Variants in BUB1 observed in about 807,000 individuals in gnomAD.
The protein encoded by BUB1 is mitotic checkpoint serine/threonine-protein kinase BUB1.
In BUB1, 84 loss-of-function variants were observed where a neutral mutation model predicts 135.2. That is an observed-to-expected ratio of 0.62 (90% CI 0.52 to 0.74). The LOEUF (loss-of-function observed/expected upper bound fraction) is 0.74. Among genes scored for constraint, BUB1 ranks in the 30% least tolerant of loss-of-function variants. The probability of loss-of-function intolerance (pLI) is 0.00; values close to 1 mark genes in which losing one functional copy is unlikely to be tolerated. For synonymous variants in BUB1, 403 were observed against 434.4 expected, an observed-to-expected ratio of 0.93 and a Z score of 0.90; for missense variants, 1,162 against 1,288.3, an observed-to-expected ratio of 0.90 and a Z score of 1.50.
intron 1 of BUB1, chr2:110,676,401 A>C (rs1365947583): frequency 6.6e-6 from 1 of 152,248 alleles, no homozygotes; most frequent in Non-Finnish European, 1.5e-5. Context: ...TCTTGCTTGT[A>C]GGTGGGCATG....
At chr2:110,664,155 A>C (rs1425886756) in intron 9 of BUB1, among the ~76,000 whole-genome samples, 2 of 152,170 alleles carry the variant, frequency 1.3e-5, no homozygotes, top group Non-Finnish European at 2.9e-5. Flanking sequence ...TGACCAGTCC[A>C]GGATAGCCTA....
chr2:110,649,127 T>A, intron 19 of BUB1, 107 bp downstream of exon 19: 1 of 1,079,064 alleles, frequency 9.3e-7, no homozygotes, highest in Non-Finnish European at 1.3e-6. Flanking sequence ...CTATTGGAGG[T>A]TGGGGGGCAA....
At chr2:110,653,579 A>G in intron 16 of BUB1, 56 bp from the exon 17 acceptor site, 1 of 1,409,506 alleles carries the variant, frequency 7.1e-7, no homozygotes, top group Non-Finnish European at 1.0e-6. Flanking sequence ...TGTGCACAAC[A>G]CACACCATTT....
In BUB1 at chr2:110,642,255, T is replaced by C. The variant is rs751407971; in HGVS notation, c.2348-21A>G. ...AGAACCTTAGAAGATAATTGAAAAT[T>C]TTAATTTATGTACGCCTTTTATTTT... On this transcript the variant is annotated intron_variant, in intron 19 of 24. Coordinates refer to ENST00000302759, the MANE Select transcript of BUB1 (RefSeq NM_004336.5). The C allele has an allele frequency of 1.1e-5, 16 of 1,500,442 alleles. No homozygotes were observed. The African/African-American group carries it at 2.1e-4, about 20-fold the overall frequency. The allele number at this position is 1,500,442 out of a possible 1,614,324, so 92.9% of individuals were successfully genotyped here.
chr2:110,672,592 A>G, intron 4 of BUB1, 69 bp downstream of exon 4: 1 of 1,453,386 alleles, frequency 6.9e-7, no homozygotes, highest in African/African-American at 1.4e-5. Flanking sequence ...TGCTAATGAT[A>G]CAATTTTTAA....
intron 24 of BUB1, among the ~76,000 whole-genome samples, chr2:110,638,851 A>C (rs1225529904): frequency 1.3e-5 from 2 of 152,220 alleles, no homozygotes; most frequent in Non-Finnish European, 2.9e-5. Context: ...AGTTGTTATA[A>C]GCTTTCCTCC....
chr2:110,677,880 G>A (rs1690635724), intron 1 of BUB1, 90 bp downstream of exon 1: 8 of 1,442,832 alleles, frequency 5.5e-6, no homozygotes, highest in African/African-American at 2.9e-5. Flanking sequence ...GGCGAAGGGG[G>A]CAAAAGAAGG....
At chr2:110,649,020 C>T in intron 19 of BUB1, 1 of 384,648 alleles carries the variant, frequency 2.6e-6, no homozygotes, top group Non-Finnish European at 4.6e-6. Flanking sequence ...GGCAAATTGC[C>T]CTCTATGAGT....
chr2:110,654,171 C>T (rs1266823233), intron 16 of BUB1, among the ~76,000 whole-genome samples: 1 of 152,054 alleles, frequency 6.6e-6, no homozygotes, highest in South Asian at 2.1e-4. Flanking sequence ...TCAGGAGAAC[C>T]TGAAGACAAG....
Position 110,667,527 on chromosome 2 carries a change from G to C in BUB1, c.799C>G (p.Gln267Glu), listed in dbSNP as rs765653448. Residue 267 changes from glutamine (Q) to glutamate (E), a missense_variant, in exon 8 of 25, where the codon CAA becomes GAA. Transcript: ENST00000302759. ...AATACAAGATTGCAAGTACCCCATT[G>C]CTCATGCTTTCTCCGTTGATTGTAT... The part of the protein sequence containing the change: ...QKYNQRRKHE[Q>E]WVNEDRHYMK... 3 of 1,611,630 alleles carry C rather than the reference G, an allele frequency of 1.9e-6. No homozygotes were observed. The South Asian group carries it at 3.3e-5, about 18-fold the overall frequency.
intron 9 of BUB1, 119 bp downstream of exon 9, chr2:110,666,144 A>G (rs1325463733): frequency 1.9e-6 from 2 of 1,052,634 alleles, no homozygotes; most frequent in Non-Finnish European, 2.5e-6. Flanking sequence ...TTAGACTTTC[A>G]GAAAGTTACT....
intron 1 of BUB1, 100 bp downstream of exon 1, chr2:110,677,870 G>A: frequency 7.2e-7 from 1 of 1,392,258 alleles, no homozygotes. Flanking sequence ...CCAGGAAGGG[G>A]GCGAAGGGGG....
intron 17 of BUB1, among the ~76,000 whole-genome samples, chr2:110,652,826 C>T (rs1689820702): frequency 6.6e-6 from 1 of 152,176 alleles, no homozygotes; most frequent in South Asian, 2.1e-4. Flanking sequence ...ACTATACTTT[C>T]TTTGTAATAA....
At chr2:110,664,645 A>G (rs72942133) in intron 9 of BUB1, among the ~76,000 whole-genome samples, 2,922 of 150,838 alleles carry the variant, frequency 0.019, 98 homozygotes, top group African/African-American at 0.069. Flanking sequence ...GTAAGGAGAG[A>G]TAACGACATG....
chr2:110,655,088 G>C (rs1689892486), intron 16 of BUB1, among the ~76,000 whole-genome samples: 1 of 152,132 alleles, frequency 6.6e-6, no homozygotes, highest in Non-Finnish European at 1.5e-5. Context: ...ACAATTATCT[G>C]TGCTCAATGA....
rs1366766190 is a variant in BUB1 at position 110,672,820 on chromosome 2, A to C, written c.263T>G (p.Phe88Cys). The C allele has an allele frequency of 3.7e-6, 6 of 1,609,462 alleles. No individual in the cohort carries two copies. The highest frequency in any genetic ancestry group is 5.1e-6 in the Non-Finnish European group (6 of 1,178,704). ...YNSDLHQFFE[F>C]LYNHGIGTLS... ...GGTTCCAATCCCATGGTTGTACAGA[A>C]ACTCAAAAAATTGATGGAGGTCACT... The change falls in exon 4 of 25, where the codon TTT (phenylalanine) becomes TGT (cysteine). Residue 88 changes from phenylalanine (F) to cysteine (C), a missense_variant. By Grantham distance (205) the Phe-to-Cys change is radical. Transcript: ENST00000302759.
At chr2:110,644,363 G>C (rs1224398095) in intron 19 of BUB1, among the ~76,000 whole-genome samples, 1 of 151,566 alleles carries the variant, frequency 6.6e-6, no homozygotes. Context: ...TGTAGTCCCA[G>C]CTACTCGGGA....
intron 19 of BUB1, among the ~76,000 whole-genome samples, chr2:110,643,871 T>A (rs1245824565): frequency 6.6e-6 from 1 of 150,942 alleles, no homozygotes; most frequent in Non-Finnish European, 1.5e-5. Context: ...AGGTAGACAG[T>A]GTGCAAGAAG....
intron 8 of BUB1, among the ~76,000 whole-genome samples, chr2:110,666,947 C>T (rs898231735): frequency 5.3e-5 from 8 of 152,258 alleles, no homozygotes; most frequent in African/African-American, 1.9e-4. Context: ...GAAAGAAAAA[C>T]ACATCTATGC....
Sources: allele counts gnomAD v4.1 joint callset (sites outside exome capture counted in the v4.1 genomes callset), GRCh38; gene constraint gnomAD v4.1.1; transcripts MANE v1.5; gene names NCBI Gene and HGNC (gene_info 2026-07-23, HGNC 2026-07-21).